Variants in FBXL7 observed in about 807,000 individuals in gnomAD.
FBXL7 encodes the protein F-box and leucine rich repeat protein 7.
FBXL7 carries 12 observed loss-of-function variants against 38.3 expected under a neutral mutation model. That is an observed-to-expected ratio of 0.31 (90% CI 0.20 to 0.51). The LOEUF (loss-of-function observed/expected upper bound fraction) is 0.51. FBXL7 is among the 20% of genes least tolerant of loss of function. FBXL7 has a pLI of 0.98. For missense variants in FBXL7, 567 were observed against 676.4 expected, an observed-to-expected ratio of 0.84 and a Z score of 1.79; for synonymous variants, 297 against 300.9, an observed-to-expected ratio of 0.99 and a Z score of 0.13.
chr5:15,574,973 G>C (rs1299319883), intron 1 of FBXL7, among the ~76,000 whole-genome samples: 2 of 152,152 alleles, frequency 1.3e-5, no homozygotes, highest in African/African-American at 4.8e-5. Context: ...AACCAGTGCA[G>C]TTTTGCCTCC....
chr5:15,742,028 C>T lies in FBXL7; in HGVS notation c.127+125956C>T, dbSNP rs113215033. The stretch of plus-strand genomic sequence containing the variant: ...GCCAATTCACTGTCGGGGAAGTAGA[C>T]GAATAAATTATTAAATGCGCATATG... On this transcript the variant is annotated intron_variant, in intron 2 of 3. Transcript: ENST00000504595. 2.3e-3 allele frequency among the ~76,000 whole-genome samples: 347 copies of T among 152,076 alleles called. 1 individual carries two copies. Among genetic ancestry groups the T allele is most frequent in the African/African-American group, 7.4e-3 (305 of 41,458 alleles).
intron 2 of FBXL7, among the ~76,000 whole-genome samples, chr5:15,688,136 A>C (rs1012087423): frequency 5.9e-5 from 9 of 152,134 alleles, no homozygotes; most frequent in African/African-American, 2.2e-4. Context: ...CTTTTTTTAC[A>C]CAAGGCATTA....
intron 2 of FBXL7, among the ~76,000 whole-genome samples, chr5:15,880,781 C>T (rs987506774): frequency 5.5e-5 from 8 of 146,198 alleles, no homozygotes; most frequent in African/African-American, 2.0e-4. Flanking sequence ...TTCCTGTAAG[C>T]CAAGGAAAGT....
At chr5:15,733,951 A>G (rs903753909) in intron 2 of FBXL7, among the ~76,000 whole-genome samples, 1 of 152,136 alleles carries the variant, frequency 6.6e-6, no homozygotes, top group African/African-American at 2.4e-5. Context: ...TACTAAAAAT[A>G]CAAAAATTAC....
At position 15,638,729 on chromosome 5, in the gene FBXL7, G is replaced by T. The variant is rs139962315; in HGVS notation, c.127+22657G>T. Among the ~76,000 whole-genome samples, 125 of 152,180 alleles carry T rather than the reference G, an allele frequency of 8.2e-4. 1 individual carries two copies. The highest frequency in any genetic ancestry group is 2.9e-3 in the African/African-American group (119 of 41,520). On this transcript the variant is annotated intron_variant, in intron 2 of 3. Transcript: ENST00000504595. ...AGCTTAGTAAGCAGTTTGTACACCT[G>T]GTCCTTGCAAACCATCGGTCCGTAT...
At chr5:15,676,755 C>A (rs1415692530) in intron 2 of FBXL7, among the ~76,000 whole-genome samples, 1 of 152,156 alleles carries the variant, frequency 6.6e-6, no homozygotes, top group African/African-American at 2.4e-5. Flanking sequence ...CCAAGGAAAA[C>A]ACTTTCTTGA....
rs757639602 is a variant in FBXL7, at chr5:15,818,739, TGTGTGAGAGAGA to T, written c.128-109149_128-109138del. ...GTGTGTGTGTGTGTGTGTGTGTGTG[TGTGTGAGAGAGA>T]GAGAGATTTAAAATTCCCATGGGAT... On this transcript the variant is annotated intron_variant, in intron 2 of 3. Coordinates refer to ENST00000504595, the MANE Select transcript of FBXL7 (RefSeq NM_012304.5). 1.9e-3 allele frequency among the ~76,000 whole-genome samples: 203 copies of T among 108,160 alleles called. 2 individuals carry two copies. Among genetic ancestry groups the T allele is most frequent in the East Asian group, 4.2e-3 (10 of 2,398 alleles). The allele number at this position is 108,160 out of a possible 152,430, so 71.0% of individuals were successfully genotyped here.
chr5:15,554,101 G>T (rs567434697), intron 1 of FBXL7, among the ~76,000 whole-genome samples: 1 of 152,240 alleles, frequency 6.6e-6, no homozygotes, highest in Admixed American at 6.5e-5. Context: ...TGCCTATTAG[G>T]TGTCCATCCC....
chr5:15,616,876 G>C (rs1398260218), intron 2 of FBXL7, among the ~76,000 whole-genome samples: 1 of 152,210 alleles, frequency 6.6e-6, no homozygotes, highest in African/African-American at 2.4e-5. Context: ...CGACGCCATT[G>C]ATAATGAAAG....
intron 2 of FBXL7, among the ~76,000 whole-genome samples, chr5:15,865,980 C>T (rs1051436029): frequency 2.0e-5 from 3 of 152,166 alleles, no homozygotes; most frequent in Admixed American, 6.6e-5. Context: ...CTCTAGTTTT[C>T]GTTAAGAGTA....
At chr5:15,842,434 G>A (rs1035743561) in intron 2 of FBXL7, among the ~76,000 whole-genome samples, 1 of 152,192 alleles carries the variant, frequency 6.6e-6, no homozygotes, top group Non-Finnish European at 1.5e-5. Context: ...CAGGCTCATA[G>A]GTGGAAGGGA....
At chr5:15,613,867 C>T (rs942825816) in intron 1 of FBXL7, among the ~76,000 whole-genome samples, 1 of 152,114 alleles carries the variant, frequency 6.6e-6, no homozygotes, top group South Asian at 2.1e-4. Flanking sequence ...TGGAGACCGA[C>T]AAGTCAAAGA....
At chr5:15,852,864 G>T (rs1340383101) in intron 2 of FBXL7, among the ~76,000 whole-genome samples, 2 of 152,166 alleles carry the variant, frequency 1.3e-5, no homozygotes. Context: ...TAGAGGCAAA[G>T]CACTCTGTGA....
At chr5:15,638,452 C>T (rs376340704) in intron 2 of FBXL7, among the ~76,000 whole-genome samples, 6 of 152,204 alleles carry the variant, frequency 3.9e-5, no homozygotes, top group African/African-American at 1.2e-4. Flanking sequence ...CGGCTCCACC[C>T]TAGGCCTGTC....
At chr5:15,652,783 C>G (rs540148426) in intron 2 of FBXL7, among the ~76,000 whole-genome samples, 1 of 152,314 alleles carries the variant, frequency 6.6e-6, no homozygotes, top group Admixed American at 6.5e-5. Context: ...GCAATCAGAA[C>G]ACACACATTT....
chr5:15,786,761 C>T (rs943410255), intron 2 of FBXL7, among the ~76,000 whole-genome samples: 2 of 152,090 alleles, frequency 1.3e-5, no homozygotes, highest in Non-Finnish European at 2.9e-5. Flanking sequence ...CTTACAGGTA[C>T]GGGTGGATGC....
At chr5:15,934,407 T>G (rs1373455719) in intron 3 of FBXL7, among the ~76,000 whole-genome samples, 2 of 152,106 alleles carry the variant, frequency 1.3e-5, no homozygotes, top group African/African-American at 4.8e-5. Context: ...AAGTATACTG[T>G]ACGTGTTTTT....
At chr5:15,714,848 CA>C (rs35229749) in intron 2 of FBXL7, among the ~76,000 whole-genome samples, 1,153 of 76,620 alleles carry the variant, frequency 0.015, 4 homozygotes, top group African/African-American at 0.044. Flanking sequence ...GAGTCCGTCT[CA>C]AAAAAAAAAA....
chr5:15,871,634 G>C (rs1247289028), intron 2 of FBXL7, among the ~76,000 whole-genome samples: 1 of 152,136 alleles, frequency 6.6e-6, no homozygotes, highest in Non-Finnish European at 1.5e-5. Context: ...GAAAAACACA[G>C]CACGAGAACT....
Sources: allele counts gnomAD v4.1 joint callset (sites outside exome capture counted in the v4.1 genomes callset), GRCh38; gene constraint gnomAD v4.1.1; transcripts MANE v1.5; gene names NCBI Gene and HGNC (gene_info 2026-07-23, HGNC 2026-07-21).